Variants in SOD3 observed in about 807,000 individuals in gnomAD.
The protein encoded by SOD3 is superoxide dismutase 3.
SOD3 carries 3 observed loss-of-function variants against 2.6 expected under a neutral mutation model. The observed-to-expected ratio is 1.13, with a 90% CI of 0.52 to 2.93. The LOEUF (loss-of-function observed/expected upper bound fraction) is 2.93, where lower values mean the gene tolerates loss of function less well. Ranked by LOEUF, SOD3 falls within the 30% of genes most tolerant of loss-of-function variation. The pLI is 0.04. For synonymous variants in SOD3, 188 were observed against 177.5 expected (o/e 1.06, Z -0.47); for missense variants, 379 against 370.4 (o/e 1.02, Z -0.19).
chr4:24,797,827 C>T (rs1297160108), intron 1 of SOD3, among the ~76,000 whole-genome samples: 2 of 152,162 alleles, frequency 1.3e-5, no homozygotes, highest in African/African-American at 4.8e-5. Context: ...TGCAGTTGAC[C>T]TTCAAAGCAA....
intron 1 of SOD3, among the ~76,000 whole-genome samples, chr4:24,796,435 C>CTT (rs34368349): frequency 0.54 from 39,013 of 71,940 alleles, 16,192 homozygotes; most frequent in Non-Finnish European, 0.65. Context: ...TCCTTCTTCT[C>CTT]TTTTTTTTTT....
Position 24,799,702 on chromosome 4 carries a change from G to A in SOD3, c.181G>A (p.Ala61Thr). 6.4e-7 allele frequency: 1 copy of A among 1,572,428 alleles called. No homozygotes were observed. Among genetic ancestry groups the A allele is most frequent in the South Asian group, 1.1e-5 (1 of 87,048 alleles). The change falls in exon 2 of 2, where the codon GCC becomes ACC. Residue 61 changes from alanine (A) to threonine (T), a missense_variant. Transcript: ENST00000382120. ...GCGGGACGACGACGGCGCGCTCCAC[G>A]CCGCCTGCCAGGTGCAGCCGTCGGC... is the stretch of plus-strand genomic sequence containing the variant. ...QRRDDDGALH[A>T]ACQVQPSATL...
intron 1 of SOD3, 140 bp from the exon 2 acceptor site, chr4:24,799,366 C>T: frequency 1.0e-6 from 1 of 968,718 alleles, no homozygotes; most frequent in Non-Finnish European, 1.5e-6. Context: ...CAAACGTTTG[C>T]CACATGAAGT....
chr4:24,798,089 C>T (rs745716691), intron 1 of SOD3, among the ~76,000 whole-genome samples: 2 of 151,756 alleles, frequency 1.3e-5, no homozygotes, highest in African/African-American at 4.8e-5. Context: ...CTCTCTCTGT[C>T]TTTCTTCTCT....
chr4:24,795,834 A>G (rs1197373191), intron 1 of SOD3, among the ~76,000 whole-genome samples, 183 bp downstream of exon 1: 2 of 152,032 alleles, frequency 1.3e-5, no homozygotes, highest in Admixed American at 6.5e-5. Flanking sequence ...GAGGAAGGCA[A>G]GGAGGGGAGG....
Position 24,800,357 on chromosome 4 carries a change from C to G in SOD3, c.*113C>G. 9.1e-7 allele frequency: 1 copy of G among 1,103,768 alleles called. No individual in the cohort carries two copies. Among genetic ancestry groups the G allele is most frequent in the Non-Finnish European group, 1.2e-6 (1 of 842,892 alleles). 68.4% of individuals were successfully genotyped at this position (1,103,768 alleles called of 1,614,324 possible). A position where few individuals can be genotyped will look rare whatever the true frequency, so the allele number is the denominator to read the frequency against. ...CTCTGAGGTCTCACCTTCGCCTTTG[C>G]TGAAGTCTCCCCGCAGCCCTCTCCA... On this transcript the variant is annotated 3_prime_UTR_variant, in exon 2 of 2. Coordinates refer to ENST00000382120, the MANE Select transcript of SOD3 (RefSeq NM_003102.4).
chr4:24,798,858 TCA>T (rs1713747155), intron 1 of SOD3, among the ~76,000 whole-genome samples: 1 of 152,208 alleles, frequency 6.6e-6, no homozygotes, highest in South Asian at 2.1e-4. Context: ...CCATCTTCAA[TCA>T]CAGGATTGTG....
chr4:24,800,016 C>T lies in SOD3; in HGVS notation c.495C>T (p.Ala165=). Residue 165 remains alanine, a synonymous_variant, in exon 2 of 2, where the codon GCC becomes GCT. Transcript: ENST00000382120. Reference sequence around the variant, plus strand: ...GGAGGTACCGCGCCGGCCTGGCCGCCTCGCTCGCGGGCCCGCACTCCATCG... The same window carrying T: ...GGAGGTACCGCGCCGGCCTGGCCGCTTCGCTCGCGGGCCCGCACTCCATCG... ...SLWRYRAGLA[A]SLAGPHSIVG... is the part of the protein sequence containing the mutation. The T allele has an allele frequency of 3.2e-6, 5 of 1,542,442 alleles. No individual in the cohort carries two copies. The highest frequency in any genetic ancestry group is 4.3e-6 in the Non-Finnish European group (5 of 1,153,886).
chr4:24,800,042 T>A lies in SOD3; in HGVS notation c.521T>A (p.Val174Glu), dbSNP rs1157734081. 4.7e-6 allele frequency: 7 copies of A among 1,492,428 alleles called. No homozygotes were observed. The East Asian group carries it at 1.9e-4, about 40-fold the overall frequency. 92.4% of individuals were successfully genotyped at this position (1,492,428 alleles called of 1,614,324 possible). A position where few individuals can be genotyped will look rare whatever the true frequency, so the allele number is the denominator to read the frequency against. Reference sequence around the variant, plus strand: ...TCGCTCGCGGGCCCGCACTCCATCGTGGGCCGGGCCGTGGTCGTCCACGCT... The same window carrying A: ...TCGCTCGCGGGCCCGCACTCCATCGAGGGCCGGGCCGTGGTCGTCCACGCT... ...AASLAGPHSI[V>E]GRAVVVHAGE... The change falls in exon 2 of 2, where the codon GTG becomes GAG. Residue 174 changes from valine to glutamate, a missense_variant. By Grantham distance (121) the Val-to-Glu change is moderately radical. Transcript: ENST00000382120.
At chr4:24,798,187 C>T (rs1713726961) in intron 1 of SOD3, among the ~76,000 whole-genome samples, 1 of 152,142 alleles carries the variant, frequency 6.6e-6, no homozygotes, top group Admixed American at 6.6e-5. Flanking sequence ...GCAGTCAACA[C>T]TGAGAACCCC....
rs200121482 is a variant in SOD3, at chr4:24,799,593, G to C, written c.72G>C (p.Ser24=). The C allele has an allele frequency of 4.1e-5, 65 of 1,603,588 alleles. No individual in the cohort carries two copies. The East Asian group carries it at 1.3e-3, about 33-fold the overall frequency. Residue 24 remains serine, a synonymous_variant, in exon 2 of 2, where the codon TCG becomes TCC. Transcript: ENST00000382120. ...CGGACGCCTGGACGGGCGAGGACTCGGCGGAGCCCAACTCTGACTCGGCGG... is the reference window on the plus strand; with the variant it reads ...CGGACGCCTGGACGGGCGAGGACTCCGCGGAGCCCAACTCTGACTCGGCGG... ...GASDAWTGED[S]AEPNSDSAEW...
At chr4:24,797,060 T>C (rs1713687031) in intron 1 of SOD3, among the ~76,000 whole-genome samples, 1 of 152,180 alleles carries the variant, frequency 6.6e-6, no homozygotes, top group African/African-American at 2.4e-5. Context: ...TCAACATCAC[T>C]TTCTCTGCTT....
Position 24,799,954 on chromosome 4 carries a change from G to GACTTCGGCA in SOD3, c.440_448dup (p.Gly147_Phe149dup), listed in dbSNP as rs1713791904. On this transcript the variant is annotated inframe_insertion, in exon 2 of 2. Transcript: ENST00000382120. ...CGTGCCGCACCCGCAGCACCCGGGCGACTTCGGCAACTTCGCGGTCCGCGA... is the reference window on the plus strand; with the variant it reads ...CGTGCCGCACCCGCAGCACCCGGGCGACTTCGGCAACTTCGGCAACTTCGCGGTCCGCGA... 6.3e-7 allele frequency: 1 copy of GACTTCGGCA among 1,592,184 alleles called. No homozygotes were observed. Among genetic ancestry groups the GACTTCGGCA allele is most frequent in the African/African-American group, 1.3e-5 (1 of 74,302 alleles).
At chr4:24,798,819 G>C (rs1713746571) in intron 1 of SOD3, among the ~76,000 whole-genome samples, 1 of 152,152 alleles carries the variant, frequency 6.6e-6, no homozygotes. Context: ...GATGGGTACT[G>C]CCTCCTCTGT....
intron 1 of SOD3, among the ~76,000 whole-genome samples, chr4:24,798,753 G>A (rs941843905): frequency 1.3e-5 from 2 of 152,084 alleles, no homozygotes; most frequent in African/African-American, 4.8e-5. Flanking sequence ...CCCATCTTGT[G>A]GAACCCAGTT....
chr4:24,796,539 C>CG, intron 1 of SOD3, among the ~76,000 whole-genome samples: 1 of 146,428 alleles, frequency 6.8e-6, no homozygotes, highest in Admixed American at 7.1e-5. Context: ...TCACTACAGC[C>CG]TCTACCTCCC....
At chr4:24,797,101 C>A (rs1483681194) in intron 1 of SOD3, among the ~76,000 whole-genome samples, 1 of 152,180 alleles carries the variant, frequency 6.6e-6, no homozygotes, top group Non-Finnish European at 1.5e-5. Context: ...CTTCTTGGAG[C>A]CTTTCAAGGG....
rs1477795980 is a variant in SOD3 at position 24,800,513 on chromosome 4, T to G, written c.*269T>G. The G allele has an allele frequency of 1.2e-5, 4 of 340,916 alleles. No individual in the cohort carries two copies. 21.1% of individuals were successfully genotyped at this position (340,916 alleles called of 1,614,324 possible). On this transcript the variant is annotated 3_prime_UTR_variant, in exon 2 of 2. Transcript: ENST00000382120. ...AAACACCCCGCTCACGCTGACAGCC[T>G]CCTAGGCTCCCTGAGGTACCTTTCC...
chr4:24,799,668 C>G lies in SOD3; in HGVS notation c.147C>G (p.Val49=). 6.2e-7 allele frequency: 1 copy of G among 1,600,456 alleles called. No homozygotes were observed. The highest frequency in any genetic ancestry group is 8.5e-7 in the Non-Finnish European group (1 of 1,176,306). Residue 49 remains valine (V), a synonymous_variant, in exon 2 of 2, where the codon GTC becomes GTG. Coordinates refer to ENST00000382120, the MANE Select transcript of SOD3 (RefSeq NM_003102.4). ...YAKVTEIWQE[V]MQRRDDDGAL... is the part of the protein sequence containing the mutation. Reference sequence around the variant, plus strand: ...AGGTCACGGAGATCTGGCAGGAGGTCATGCAGCGGCGGGACGACGACGGCG... The same window carrying G: ...AGGTCACGGAGATCTGGCAGGAGGTGATGCAGCGGCGGGACGACGACGGCG...
Sources: gnomAD v4.1 joint callset for allele counts (sites outside exome capture counted in the v4.1 genomes callset) on GRCh38, gnomAD v4.1.1 for gene constraint, MANE v1.5 for transcripts, NCBI Gene and HGNC (gene_info 2026-07-23, HGNC 2026-07-21) for gene names.